Variants in ASH1L observed in about 807,000 individuals in gnomAD.
ASH1L encodes ASH1 like histone lysine methyltransferase, also known as histone-lysine N-methyltransferase ASH1L.
ASH1L carries 23 observed loss-of-function variants against 269.0 expected under a neutral mutation model. That is an observed-to-expected ratio of 0.09 (90% CI 0.06 to 0.12). The LOEUF (loss-of-function observed/expected upper bound fraction) is 0.12, where lower values mean the gene tolerates loss of function less well. ASH1L is among the 10% of genes least tolerant of loss of function. The pLI is 1.00. For missense variants in ASH1L, 2,912 were observed against 3,567.8 expected, an observed-to-expected ratio of 0.82 and a Z score of 4.68; for synonymous variants, 1,187 against 1,253.5, an observed-to-expected ratio of 0.95 and a Z score of 1.12.
At chr1:155,543,271 G>A (rs1670563816) in intron 1 of ASH1L, among the ~76,000 whole-genome samples, 1 of 151,836 alleles carries the variant, frequency 6.6e-6, no homozygotes, top group Non-Finnish European at 1.5e-5. Context: ...AGCACTCTGG[G>A]AGGCCAAGGC....
chr1:155,562,318 G>A lies in ASH1L; in HGVS notation c.-265C>T, dbSNP rs1185927851. 5 of 1,582,654 alleles carry A rather than the reference G, an allele frequency of 3.2e-6. No individual in the cohort carries two copies. The highest frequency in any genetic ancestry group is 1.7e-5 in the Admixed American group (1 of 58,688). ...TGACTGGCGGAAATGCGAGAGAGGA[G>A]AAGGGAAAGGTGGAAGGCTAAAGGG... is the stretch of plus-strand genomic sequence containing the variant. On this transcript the variant is annotated 5_prime_UTR_variant, in exon 1 of 28. Coordinates refer to ENST00000392403, the MANE Select transcript of ASH1L (RefSeq NM_018489.3).
intron 2 of ASH1L, among the ~76,000 whole-genome samples, chr1:155,519,862 T>C (rs570087107): frequency 3.9e-5 from 6 of 152,048 alleles, no homozygotes; most frequent in African/African-American, 1.2e-4. Context: ...TTTCATCATG[T>C]TGGCCACGCT....
intron 4 of ASH1L, among the ~76,000 whole-genome samples, chr1:155,454,059 C>T (rs759593320): frequency 4.6e-5 from 7 of 152,016 alleles, no homozygotes; most frequent in Non-Finnish European, 8.8e-5. Flanking sequence ...GAGCCGAGAT[C>T]GCACCACTGC....
At chr1:155,345,197 T>TC (rs1653160087) in intron 21 of ASH1L, among the ~76,000 whole-genome samples, 1 of 146,384 alleles carries the variant, frequency 6.8e-6, no homozygotes, top group East Asian at 2.0e-4. Context: ...TTTTTTTTTT[T>TC]GGAGACTGAG....
intron 1 of ASH1L, among the ~76,000 whole-genome samples, chr1:155,556,173 A>G (rs189472933): frequency 5.9e-4 from 90 of 152,286 alleles, no homozygotes; most frequent in Non-Finnish European, 1.1e-3. Flanking sequence ...CATGAGTCCA[A>G]GAGTTCAAGA....
chr1:155,511,809 GTTTC>G (rs1022306410), intron 2 of ASH1L, among the ~76,000 whole-genome samples: 80 of 150,800 alleles, frequency 5.3e-4, no homozygotes, highest in African/African-American at 1.7e-3. Flanking sequence ...CGGCAAGATT[GTTTC>G]TTTCTTTTCT....
intron 7 of ASH1L, among the ~76,000 whole-genome samples, chr1:155,389,912 AT>A (rs924805914): frequency 3.9e-4 from 19 of 49,098 alleles, no homozygotes; most frequent in East Asian, 1.1e-3. Flanking sequence ...ATCTCTTTGG[AT>A]TTTTTTTTTA....
chr1:155,556,249 G>A (rs1021828902), intron 1 of ASH1L, among the ~76,000 whole-genome samples: 3 of 152,020 alleles, frequency 2.0e-5, no homozygotes, highest in African/African-American at 7.2e-5. Flanking sequence ...AGATGTGGTG[G>A]CACATACATG....
At chr1:155,547,440 A>G (rs1670906008) in intron 1 of ASH1L, among the ~76,000 whole-genome samples, 1 of 152,126 alleles carries the variant, frequency 6.6e-6, no homozygotes, top group Non-Finnish European at 1.5e-5. Context: ...AATACTATGT[A>G]GCCATAAAAA....
At chr1:155,394,582 C>T (rs878890625) in intron 7 of ASH1L, among the ~76,000 whole-genome samples, 2 of 152,012 alleles carry the variant, frequency 1.3e-5, no homozygotes, top group Admixed American at 1.3e-4. Context: ...AGAAACACAA[C>T]AGAACTTGAG....
At position 155,562,744 on chromosome 1, in the gene ASH1L, G is replaced by T; in HGVS notation, c.-691C>A. The T allele has an allele frequency of 7.9e-7, 1 of 1,258,318 alleles. No homozygotes were observed. The highest frequency in any genetic ancestry group is 1.1e-6 in the Non-Finnish European group (1 of 902,460). 77.9% of individuals were successfully genotyped at this position (1,258,318 alleles called of 1,614,324 possible). On this transcript the variant is annotated 5_prime_UTR_variant, in exon 1 of 28. Transcript: ENST00000392403. ...AGTCCCTCACTACCCCTCAGGCCCT[G>T]TCAAGCCGGCGCCGGCGCAGGCCCT...
chr1:155,354,660 A>G (rs1371060832), intron 15 of ASH1L, 30 bp from the exon 16 acceptor site: 1 of 1,596,434 alleles, frequency 6.3e-7, no homozygotes. Flanking sequence ...ATCTTCCTTT[A>G]TTCATTAATT....
Position 155,521,513 on chromosome 1 carries a change from G to A in ASH1L, c.7C>T (p.Pro3Ser). The change falls in exon 2 of 28, where the codon CCT (proline) becomes TCT (serine). Residue 3 changes from proline to serine, a missense_variant. Coordinates refer to ENST00000392403, the MANE Select transcript of ASH1L (RefSeq NM_018489.3). MD[P>S]RNTAMLGLGS... ...AATCCTAACATAGCAGTATTTCTAG[G>A]GTCCATCACAAGCGTATGTTATTGC... 1.3e-5 allele frequency: 21 copies of A among 1,607,180 alleles called. No individual in the cohort carries two copies. Among genetic ancestry groups the A allele is most frequent in the Non-Finnish European group, 1.8e-5 (21 of 1,177,064 alleles).
intron 13 of ASH1L, among the ~76,000 whole-genome samples, chr1:155,359,957 G>A (rs1350980553): frequency 1.3e-5 from 2 of 151,574 alleles, no homozygotes; most frequent in African/African-American, 4.9e-5. Flanking sequence ...GTGCAATCTC[G>A]GCTCAACGTA....
intron 1 of ASH1L, among the ~76,000 whole-genome samples, chr1:155,549,301 C>A (rs908089152): frequency 2.6e-5 from 4 of 152,092 alleles, no homozygotes; most frequent in Non-Finnish European, 5.9e-5. Context: ...TATGGCCATG[C>A]CACTGCACTC....
intron 3 of ASH1L, among the ~76,000 whole-genome samples, chr1:155,473,748 A>T (rs1193779443): frequency 2.0e-5 from 3 of 152,014 alleles, no homozygotes; most frequent in Admixed American, 6.6e-5. Flanking sequence ...TGATACTTCA[A>T]CCTCACCTCT....
intron 6 of ASH1L, among the ~76,000 whole-genome samples, chr1:155,396,685 C>A (rs767909205): frequency 6.6e-6 from 1 of 150,656 alleles, no homozygotes; most frequent in Non-Finnish European, 1.5e-5. Flanking sequence ...GACTTTTGGC[C>A]GGGCGCAGTG....
chr1:155,356,279 G>A (rs905459433), intron 15 of ASH1L, among the ~76,000 whole-genome samples: 1 of 152,042 alleles, frequency 6.6e-6, no homozygotes, highest in Admixed American at 6.6e-5. Context: ...GGACTCCTTT[G>A]ACAGTCTGAT....
At chr1:155,461,386 A>C (rs1414944524) in intron 3 of ASH1L, among the ~76,000 whole-genome samples, 1 of 151,150 alleles carries the variant, frequency 6.6e-6, no homozygotes, top group East Asian at 2.0e-4. Context: ...AACACGTTAA[A>C]TTTTTTTTTA....
Sources: allele counts gnomAD v4.1 joint callset (sites outside exome capture counted in the v4.1 genomes callset), GRCh38; gene constraint gnomAD v4.1.1; transcripts MANE v1.5; gene names NCBI Gene and HGNC (gene_info 2026-07-23, HGNC 2026-07-21).